Variants in ZNF665 observed in about 807,000 individuals in gnomAD.
ZNF665 encodes the protein zinc finger protein 665.
Under a neutral mutation model 7.9 loss-of-function variants are expected in ZNF665, and 6 were observed. The ratio of observed to expected loss-of-function variants is 0.76; its 90% CI spans 0.42 to 1.50. ZNF665 has a LOEUF of 1.50. ZNF665 is among the 40% of genes most tolerant of loss of function. The pLI, the probability that ZNF665 is intolerant of heterozygous loss-of-function variation, is 0.01. For missense variants in ZNF665, 819 were observed against 806.7 expected (o/e 1.02, Z -0.18); for synonymous variants, 242 against 274.5 (o/e 0.88, Z 1.17).
rs372855271 is a variant in ZNF665 at position 53,171,524 on chromosome 19, A to ATATATTT, written c.142+3920_142+3921insAAATATA. On this transcript the variant is annotated intron_variant, in intron 3 of 3. Transcript: ENST00000396424. ...TGTGTGTATATATATATATATATAT[A>ATATATTT]TTTTTTTTTTTTTTTTCTTTTTTTA... Among the ~76,000 whole-genome samples, 177 of 69,324 alleles carry ATATATTT rather than the reference A, an allele frequency of 2.6e-3. 1 individual carries two copies. Among genetic ancestry groups the ATATATTT allele is most frequent in the African/African-American group, 6.8e-3 (131 of 19,320 alleles). 45.5% of individuals were successfully genotyped at this position (69,324 alleles called of 152,430 possible).
chr19:53,176,644 C>T (rs914102794), intron 2 of ZNF665, among the ~76,000 whole-genome samples: 5 of 152,072 alleles, frequency 3.3e-5, no homozygotes, highest in Non-Finnish European at 7.4e-5. Context: ...GTGGCTGCAC[C>T]CTTGTGGGAC....
chr19:53,179,525 A>T (rs1471549640), intron 2 of ZNF665: 1 of 150,426 alleles, frequency 6.6e-6, no homozygotes, highest in Non-Finnish European at 1.5e-5. Context: ...GAGCTTCCAG[A>T]GGGCTGACAT....
At chr19:53,176,263 T>C (rs2090697575) in intron 2 of ZNF665, among the ~76,000 whole-genome samples, 1 of 152,170 alleles carries the variant, frequency 6.6e-6, no homozygotes. Flanking sequence ...GAAGGTTCAG[T>C]TGAACATCCA....
chr19:53,165,877 G>C lies in ZNF665; in HGVS notation c.613C>G (p.Pro205Ala), dbSNP rs747621123. 14 of 1,614,122 alleles carry C rather than the reference G, an allele frequency of 8.7e-6. No individual in the cohort carries two copies. In the Admixed American group the frequency reaches 2.2e-4, roughly 25 times the overall value. ...TTGCCACACTTATTACACTGGTAAG[G>C]CTTCTCTCCAGTATGAATTCTCTTA... is the stretch of plus-strand genomic sequence containing the variant. ...SHKRIHTGEKPYQCNKCGKAF... is the reference protein window; with the variant it reads ...SHKRIHTGEKAYQCNKCGKAF... The change falls in exon 4 of 4, where the codon CCT becomes GCT. Residue 205 changes from proline (P) to alanine (A), a missense_variant. Coordinates refer to ENST00000396424, the MANE Select transcript of ZNF665 (RefSeq NM_024733.5).
chr19:53,192,359 A>T (rs1001354763), intron 1 of ZNF665, among the ~76,000 whole-genome samples: 11 of 151,716 alleles, frequency 7.3e-5, no homozygotes, highest in African/African-American at 2.4e-4. Context: ...CTGTCCCAGC[A>T]CCACGCTGCT....
At chr19:53,182,707 C>T (rs1285502761) in intron 2 of ZNF665, 177 bp downstream of exon 2, 1 of 1,222,802 alleles carries the variant, frequency 8.2e-7, no homozygotes, top group Admixed American at 1.9e-5. Context: ...AAGTTCATGT[C>T]ACTGGGTCAC....
intron 3 of ZNF665, among the ~76,000 whole-genome samples, chr19:53,171,504 G>GTGTGTGTGTATATATA (rs140482885): frequency 9.9e-4 from 57 of 57,766 alleles, no homozygotes; most frequent in Non-Finnish European, 1.8e-3. Flanking sequence ...GTGTGTGTGT[G>GTGTGTGTGTATATATA]TATATATATA....
At chr19:53,176,154 C>G (rs1033785232) in intron 2 of ZNF665, among the ~76,000 whole-genome samples, 8 of 152,042 alleles carry the variant, frequency 5.3e-5, no homozygotes, top group Admixed American at 5.2e-4. Context: ...GAGTGAGACT[C>G]TGTCTCAAAA....
chr19:53,172,482 C>T (rs2090665522), intron 3 of ZNF665, among the ~76,000 whole-genome samples: 1 of 152,066 alleles, frequency 6.6e-6, no homozygotes, highest in South Asian at 2.1e-4. Flanking sequence ...ATATTTTATG[C>T]TGCTTTAAAT....
intron 1 of ZNF665, 56 bp from the exon 2 acceptor site, chr19:53,182,999 G>A (rs2090749886): frequency 3.2e-6 from 5 of 1,543,508 alleles, no homozygotes; most frequent in Non-Finnish European, 1.8e-6. Flanking sequence ...AAAATACGCT[G>A]TTTGTTGGTT....
intron 3 of ZNF665, among the ~76,000 whole-genome samples, chr19:53,168,079 A>AAAAAAAAAAAAAGAAAG (rs1568656290): frequency 2.1e-5 from 1 of 48,282 alleles, no homozygotes; most frequent in Non-Finnish European, 3.6e-5. Flanking sequence ...AAAAAAAAAA[A>AAAAAAAAAAAAAGAAAG]AAAGAAAGAA....
At chr19:53,173,513 T>C (rs1171757114) in intron 3 of ZNF665, among the ~76,000 whole-genome samples, 1 of 151,526 alleles carries the variant, frequency 6.6e-6, no homozygotes, top group Non-Finnish European at 1.5e-5. Flanking sequence ...TAGCTGGGAC[T>C]ACAGGTGTGC....
chr19:53,164,032 CCA>C lies in ZNF665; in HGVS notation c.*419_*420del, dbSNP rs2090583035. The C allele has an allele frequency of 6.3e-6, 1 of 157,992 alleles. No individual in the cohort carries two copies. The highest frequency in any genetic ancestry group is 6.2e-5 in the Admixed American group (1 of 16,092). The allele number at this position is 157,992 out of a possible 1,614,324, so 9.8% of individuals were successfully genotyped here. ...AATGCTTAAACTCATCAGGAGTTTG[CCA>C]CAGTCACTGTATTTGTAAGAATTGT... On this transcript the variant is annotated 3_prime_UTR_variant, in exon 4 of 4. Transcript: ENST00000396424.
intron 1 of ZNF665, among the ~76,000 whole-genome samples, chr19:53,189,258 A>G (rs887259833): frequency 7.9e-5 from 12 of 152,004 alleles, no homozygotes; most frequent in Non-Finnish European, 1.2e-4. Flanking sequence ...GTGTGCAGCG[A>G]CGAGAGAGTG....
In ZNF665 at chr19:53,164,742, G is replaced by C. The variant is rs775403580; in HGVS notation, c.1748C>G (p.Ser583Ter). 1 of 1,614,222 alleles carries C rather than the reference G, an allele frequency of 6.2e-7. No homozygotes were observed. The highest frequency in any genetic ancestry group is 8.5e-7 in the Non-Finnish European group (1 of 1,180,032). The change falls in exon 4 of 4, where the codon TCA becomes TGA. Residue 583 changes from serine to a stop codon, truncating the protein, a stop_gained. Transcript: ENST00000396424. LOFTEE classifies it low-confidence loss of function (END_TRUNC). ...NECGKAFSVH[S>*]NLATHQVIHT... ...GATGACCTGATGGGTAGCTAGGTTT[G>C]AATGTACACTAAATGCTTTGCCGCA...
At chr19:53,172,549 A>C (rs2146852834) in intron 3 of ZNF665, among the ~76,000 whole-genome samples, 1 of 152,174 alleles carries the variant, frequency 6.6e-6, no homozygotes, top group African/African-American at 2.4e-5. Context: ...CAAGAACTGT[A>C]TATTGAGGCT....
At chr19:53,192,667 C>T (rs963752013) in intron 1 of ZNF665, among the ~76,000 whole-genome samples, 9 of 152,192 alleles carry the variant, frequency 5.9e-5, no homozygotes, top group Non-Finnish European at 1.3e-4. Flanking sequence ...CCCCTTGGCC[C>T]ACACATTCAC....
intron 2 of ZNF665, chr19:53,182,321 A>G (rs2146876562): frequency 4.8e-6 from 1 of 208,690 alleles, no homozygotes; most frequent in East Asian, 1.2e-4. Flanking sequence ...CAGTGAGCTG[A>G]GATCGCGTCA....
intron 1 of ZNF665, among the ~76,000 whole-genome samples, chr19:53,192,194 T>G (rs986970691): frequency 6.6e-6 from 1 of 152,054 alleles, no homozygotes; most frequent in African/African-American, 2.4e-5. Context: ...CTCCATCTAT[T>G]TCTGCCTCTT....
Sources: gnomAD v4.1 joint callset for allele counts (sites outside exome capture counted in the v4.1 genomes callset) on GRCh38, gnomAD v4.1.1 for gene constraint, MANE v1.5 for transcripts, NCBI Gene and HGNC (gene_info 2026-07-23, HGNC 2026-07-21) for gene names.